Variants in CXADR observed in about 807,000 individuals in gnomAD.
The protein encoded by CXADR is coxsackievirus and adenovirus receptor.
A neutral mutation model predicts 40.3 loss-of-function variants in CXADR; 20 were observed. The observed-to-expected ratio is 0.50, with a 90% CI of 0.35 to 0.72. The LOEUF (loss-of-function observed/expected upper bound fraction) is 0.72, where lower values mean the gene tolerates loss of function less well. Ranked by LOEUF, CXADR falls within the 30% of genes least tolerant of loss-of-function variation. CXADR has a pLI of 0.01. For synonymous variants in CXADR, 150 were observed against 161.3 expected, an observed-to-expected ratio of 0.93 and a Z score of 0.53; for missense variants, 332 against 449.1, an observed-to-expected ratio of 0.74 and a Z score of 2.36.
At chr21:17,634,510 G>A in the CXADR span, among the ~76,000 whole-genome samples, 4 of 152,312 alleles carry the variant, frequency 2.6e-5, no homozygotes, top group African/African-American at 7.2e-5. Context: ...GAGCTTTGCA[G>A]ATGTAGCTAG....
chr21:17,546,316 A>G (rs532613322), intron 1 of CXADR, among the ~76,000 whole-genome samples: 31 of 152,322 alleles, frequency 2.0e-4, no homozygotes, highest in Non-Finnish European at 3.8e-4. Context: ...TGTAGCCTTG[A>G]ATTTGTATGA....
chr21:17,575,227 C>T lies in CXADR; in HGVS notation c.1017+9616C>T, dbSNP rs143596761. 4.4e-3 allele frequency among the ~76,000 whole-genome samples: 663 copies of T among 152,104 alleles called. 5 individuals are homozygous for T. The highest frequency in any genetic ancestry group is 0.028 in the Admixed American group (434 of 15,264). Reference sequence around the variant, plus strand: ...TGAGACAGGGTCTTGCTCTATTGCCCAGGTCGGAGTGCAGTGGTGCGATTA... The same window carrying T: ...TGAGACAGGGTCTTGCTCTATTGCCTAGGTCGGAGTGCAGTGGTGCGATTA... On this transcript the variant is annotated intron_variant, in intron 7 of 7. Coordinates refer to the CXADR transcript ENST00000400169.
At chr21:17,605,161 T>A in the CXADR span, 4 of 772,076 alleles carry the variant, frequency 5.2e-6, no homozygotes, top group Non-Finnish European at 7.7e-6. Context: ...AAATGTGAAC[T>A]ACAGGCACAG....
chr21:17,611,636 A>G, the CXADR span: 1 of 152,234 alleles, frequency 6.6e-6, no homozygotes, highest in African/African-American at 2.4e-5. Context: ...CGTCTTGAGT[A>G]AGTAGGCGTC....
chr21:17,554,593 G>A (rs558561921), intron 3 of CXADR, among the ~76,000 whole-genome samples: 5 of 152,324 alleles, frequency 3.3e-5, no homozygotes, highest in Non-Finnish European at 7.3e-5. Context: ...GGTTGTGTCA[G>A]AGCCAGAGAA....
At chr21:17,573,720 C>G (rs577918261), downstream of CXADR, among the ~76,000 whole-genome samples, 1 of 152,252 alleles carries the variant, frequency 6.6e-6, no homozygotes, top group East Asian at 1.9e-4. Context: ...ACCAGCCTGA[C>G]CAATGTGGTG....
At chr21:17,606,681 T>G in the CXADR span, among the ~76,000 whole-genome samples, 2 of 152,118 alleles carry the variant, frequency 1.3e-5, no homozygotes, top group African/African-American at 4.8e-5. Context: ...TGTTTTGTAC[T>G]ATTTTTTTTC....
chr21:17,541,247 C>T (rs2060823454), intron 1 of CXADR, among the ~76,000 whole-genome samples: 1 of 152,102 alleles, frequency 6.6e-6, no homozygotes, highest in Admixed American at 6.6e-5. Context: ...GAAGCATTTC[C>T]CTGCCCTAAA....
At chr21:17,621,969 G>A in the CXADR span, among the ~76,000 whole-genome samples, 2 of 152,174 alleles carry the variant, frequency 1.3e-5, no homozygotes. Context: ...GTATGTGGTT[G>A]GGCTCCCAGC....
At chr21:17,559,672 T>G (rs1327262174) in intron 4 of CXADR, among the ~76,000 whole-genome samples, 8 of 137,950 alleles carry the variant, frequency 5.8e-5, no homozygotes, top group East Asian at 4.2e-4. Flanking sequence ...TTTTTGGGTT[T>G]TTTTTTTTTT....
At chr21:17,545,890 C>T (rs1274710751) in intron 1 of CXADR, among the ~76,000 whole-genome samples, 1 of 150,522 alleles carries the variant, frequency 6.6e-6, no homozygotes, top group African/African-American at 2.4e-5. Flanking sequence ...AGCAGTTCTT[C>T]TGCCTCAGCC....
intron 1 of CXADR, among the ~76,000 whole-genome samples, chr21:17,541,513 G>A (rs902096884): frequency 2.0e-5 from 3 of 151,708 alleles, no homozygotes; most frequent in Non-Finnish European, 2.9e-5. Context: ...AGCCAAGATC[G>A]CGCCACTACA....
the CXADR span, among the ~76,000 whole-genome samples, chr21:17,619,071 G>C: frequency 6.6e-6 from 1 of 152,196 alleles, no homozygotes; most frequent in Non-Finnish European, 1.5e-5. Context: ...AAACCATGCT[G>C]TAAACAGATG....
At position 17,513,084 on chromosome 21, in the gene CXADR, C is replaced by T. The variant is rs1159685570; in HGVS notation, c.-46C>T. On this transcript the variant is annotated 5_prime_UTR_variant, in exon 1 of 7. Coordinates refer to ENST00000284878, the MANE Select transcript of CXADR (RefSeq NM_001338.5). ...GGCGCGGGGAGCCTGGGACCAGGAGCGAGAGCCGCCTACCTGCAGCCGCCG... is the reference window on the plus strand; with the variant it reads ...GGCGCGGGGAGCCTGGGACCAGGAGTGAGAGCCGCCTACCTGCAGCCGCCG... 3.7e-6 allele frequency: 5 copies of T among 1,335,480 alleles called. No homozygotes were observed. Among genetic ancestry groups the T allele is most frequent in the Non-Finnish European group, 4.8e-6 (5 of 1,040,296 alleles). 82.7% of individuals were successfully genotyped at this position (1,335,480 alleles called of 1,614,324 possible).
intron 1 of CXADR, among the ~76,000 whole-genome samples, chr21:17,527,816 A>C (rs1468428182): frequency 6.7e-6 from 1 of 150,062 alleles, no homozygotes; most frequent in Non-Finnish European, 1.5e-5. Context: ...TTATTTATTT[A>C]TTTATTTTTT....
In CXADR at chr21:17,568,278, A is replaced by G. The variant is rs1243277242; in HGVS notation, c.*2586A>G. ...CGAGCAGCTGGGACTACAGGCTCCC[A>G]TCACCACGCTCGGCTAAGTTTTTGT... is the stretch of plus-strand genomic sequence containing the variant. On this transcript the variant is annotated 3_prime_UTR_variant, in exon 7 of 7. Transcript: ENST00000284878. The G allele has an allele frequency of 4.5e-5, 36 of 796,534 alleles. No homozygotes were observed. Among genetic ancestry groups the G allele is most frequent in the Non-Finnish European group, 5.5e-5 (36 of 658,404 alleles). The allele number at this position is 796,534 out of a possible 1,614,324, so 49.3% of individuals were successfully genotyped here.
In CXADR at chr21:17,520,843, A is replaced by G. The variant is rs76636802; in HGVS notation, c.43+7671A>G. Among the ~76,000 whole-genome samples the G allele has an allele frequency of 5.3e-3, 802 of 152,310 alleles. 30 individuals are homozygous for G. The East Asian group carries it at 0.1, about 20-fold the overall frequency. On this transcript the variant is annotated intron_variant, in intron 1 of 6. Transcript: ENST00000284878. ...AGATTTCTGGCTTGAGTGTATAATG[A>G]TGTCACTAACCTACGGGAAATAAAA...
At chr21:17,611,237 G>T in the CXADR span, among the ~76,000 whole-genome samples, 1 of 152,278 alleles carries the variant, frequency 6.6e-6, no homozygotes, top group African/African-American at 2.4e-5. Context: ...AAGTTTTGCT[G>T]ATGGAACTAC....
At chr21:17,514,316 G>A (rs2060430695) in intron 1 of CXADR, among the ~76,000 whole-genome samples, 1 of 151,952 alleles carries the variant, frequency 6.6e-6, no homozygotes, top group Admixed American at 6.6e-5. Context: ...ACAGCTGTGA[G>A]CATTACTCAT....
Sources: allele counts gnomAD v4.1 joint callset (sites outside exome capture counted in the v4.1 genomes callset), GRCh38; gene constraint gnomAD v4.1.1; transcripts MANE v1.5; gene names NCBI Gene and HGNC (gene_info 2026-07-23, HGNC 2026-07-21).